FHIT: variants seen among roughly 807,000 people sequenced by gnomAD.
The protein encoded by FHIT is fragile histidine triad diadenosine triphosphatase.
FHIT carries 19 observed loss-of-function variants against 17.9 expected under a neutral mutation model. The ratio of observed to expected loss-of-function variants is 1.06; its 90% CI spans 0.74 to 1.56. The LOEUF (loss-of-function observed/expected upper bound fraction) is 1.56. FHIT is among the 40% of genes most tolerant of loss of function. FHIT has a pLI of 0.00. For synonymous variants in FHIT, 81 were observed against 69.7 expected (o/e 1.16, Z -0.81); for missense variants, 248 against 189.2 (o/e 1.31, Z -1.82).
intron 4 of FHIT, among the ~76,000 whole-genome samples, chr3:60,646,070 G>A (rs1422393512): frequency 6.6e-6 from 1 of 152,086 alleles, no homozygotes; most frequent in Admixed American, 6.6e-5. Context: ...GAGCCCAGAT[G>A]GTCAGAAAGA....
intron 5 of FHIT, among the ~76,000 whole-genome samples, chr3:60,121,710 ACACAC>A (rs1705262499): frequency 1.9e-4 from 3 of 16,114 alleles, no homozygotes; most frequent in African/African-American, 4.5e-4. Flanking sequence ...AACAAAACAA[ACACAC>A]ACACACACAC....
At chr3:60,563,809 G>A (rs913994241) in intron 4 of FHIT, among the ~76,000 whole-genome samples, 2 of 152,198 alleles carry the variant, frequency 1.3e-5, no homozygotes, top group African/African-American at 4.8e-5. Flanking sequence ...TGGTCATGAG[G>A]TTCAAGGAAA....
intron 5 of FHIT, among the ~76,000 whole-genome samples, chr3:60,521,178 G>A (rs570843731): frequency 6.6e-6 from 1 of 151,922 alleles, no homozygotes; most frequent in African/African-American, 2.4e-5. Flanking sequence ...ATTATATAAT[G>A]TCCATTCCAA....
chr3:60,420,955 T>A (rs1166099964), intron 5 of FHIT, among the ~76,000 whole-genome samples: 1 of 152,048 alleles, frequency 6.6e-6, no homozygotes, highest in Non-Finnish European at 1.5e-5. Flanking sequence ...TTTCAAATTC[T>A]AACTTTCTCG....
chr3:60,027,983 T>A (rs212028), intron 5 of FHIT, among the ~76,000 whole-genome samples: 1 of 152,016 alleles, frequency 6.6e-6, no homozygotes, highest in African/African-American at 2.4e-5. Flanking sequence ...CATTTAAAAA[T>A]TAAATTTAAA....
At chr3:60,769,230 C>T (rs1299054474) in intron 4 of FHIT, among the ~76,000 whole-genome samples, 3 of 152,076 alleles carry the variant, frequency 2.0e-5, no homozygotes, top group Admixed American at 2.0e-4. Context: ...AAGACAACAC[C>T]CTGAAAAGCT....
In FHIT at chr3:60,199,146, T is replaced by C. The variant is rs186031546; in HGVS notation, c.104-184994A>G. Among the ~76,000 whole-genome samples the C allele has an allele frequency of 3.9e-5, 6 of 152,244 alleles. No individual in the cohort carries two copies. In the East Asian group the frequency reaches 1.2e-3, roughly 29 times the overall value. On this transcript the variant is annotated intron_variant, in intron 5 of 9. Transcript: ENST00000492590. ...TAGCCAGCCAAGGAAAGCCAGGTAC[T>C]AAAAATTACCTTGGGACAAAAGTTG...
intron 3 of FHIT, among the ~76,000 whole-genome samples, chr3:60,953,524 C>T (rs149795223): frequency 5.3e-4 from 81 of 152,190 alleles, no homozygotes; most frequent in African/African-American, 1.9e-3. Flanking sequence ...TGTCAAGTAA[C>T]ATTTACCTCC....
chr3:60,464,231 G>A (rs1400812640), intron 5 of FHIT, among the ~76,000 whole-genome samples: 1 of 151,968 alleles, frequency 6.6e-6, no homozygotes, highest in Non-Finnish European at 1.5e-5. Flanking sequence ...AAATTGTTGT[G>A]GGTACATATA....
chr3:60,855,264 T>C (rs1253932346), intron 3 of FHIT, among the ~76,000 whole-genome samples: 1 of 152,104 alleles, frequency 6.6e-6, no homozygotes, highest in Non-Finnish European at 1.5e-5. Context: ...CATTGATTGG[T>C]ATTCAGTAGT....
chr3:60,233,690 G>C (rs1704617225), intron 5 of FHIT, among the ~76,000 whole-genome samples: 1 of 152,082 alleles, frequency 6.6e-6, no homozygotes, highest in Non-Finnish European at 1.5e-5. Context: ...ATCTTGAATT[G>C]TAGCTCCCAT....
intron 4 of FHIT, among the ~76,000 whole-genome samples, chr3:60,699,534 C>G (rs1157495541): frequency 6.6e-6 from 1 of 152,002 alleles, no homozygotes; most frequent in African/African-American, 2.4e-5. Context: ...AGATACGTTT[C>G]AAATGGTAAT....
intron 3 of FHIT, among the ~76,000 whole-genome samples, chr3:61,037,065 C>T (rs1160865075): frequency 6.6e-6 from 1 of 152,154 alleles, no homozygotes; most frequent in Non-Finnish European, 1.5e-5. Flanking sequence ...GCACCCGCCA[C>T]TGCACCCGGC....
chr3:60,189,482 T>G (rs530536614), intron 5 of FHIT, among the ~76,000 whole-genome samples: 16 of 152,314 alleles, frequency 1.1e-4, no homozygotes, highest in South Asian at 6.2e-4. Context: ...GCAATTCTGC[T>G]GAATGCTACA....
intron 5 of FHIT, among the ~76,000 whole-genome samples, chr3:60,298,147 C>A (rs1708295529): frequency 6.6e-6 from 1 of 152,078 alleles, no homozygotes; most frequent in Non-Finnish European, 1.5e-5. Context: ...GTTCTGTAAG[C>A]TGGAAGGTCT....
chr3:60,856,676 C>A (rs1294007070), intron 3 of FHIT: 1 of 152,180 alleles, frequency 6.6e-6, no homozygotes, highest in African/African-American at 2.4e-5. Context: ...TGGCTCACTA[C>A]TGCTTCCATG....
chr3:60,357,615 G>GGTT (rs1699728354), intron 5 of FHIT, among the ~76,000 whole-genome samples: 1 of 151,996 alleles, frequency 6.6e-6, no homozygotes, highest in Non-Finnish European at 1.5e-5. Context: ...CACTACTTAA[G>GGTT]GATCAATTGA....
chr3:60,205,836 C>T (rs766167643), intron 5 of FHIT, among the ~76,000 whole-genome samples: 11 of 151,580 alleles, frequency 7.3e-5, no homozygotes, highest in Admixed American at 2.6e-4. Flanking sequence ...AGGCTGGGCG[C>T]GGTGGCTCAC....
chr3:59,838,454 G>T (rs906315832), intron 8 of FHIT, among the ~76,000 whole-genome samples: 7 of 152,046 alleles, frequency 4.6e-5, no homozygotes, highest in African/African-American at 1.5e-4. Context: ...TTGGAATGTC[G>T]TTCCTAGCCT....
Sources: gnomAD v4.1 joint callset for allele counts (sites outside exome capture counted in the v4.1 genomes callset) on GRCh38, gnomAD v4.1.1 for gene constraint, MANE v1.5 for transcripts, NCBI Gene and HGNC (gene_info 2026-07-23, HGNC 2026-07-21) for gene names.